Variants in PCDH9 observed in about 807,000 individuals in gnomAD.
The protein encoded by PCDH9 is protocadherin 9.
PCDH9 carries 24 observed loss-of-function variants against 70.6 expected under a neutral mutation model. That is an observed-to-expected ratio of 0.34 (90% CI 0.25 to 0.48). The LOEUF (loss-of-function observed/expected upper bound fraction) is 0.48. Among genes scored for constraint, PCDH9 ranks in the 20% least tolerant of loss-of-function variants. PCDH9 has a pLI of 0.99. For synonymous variants in PCDH9, 562 were observed against 558.5 expected (o/e 1.01, Z -0.09); for missense variants, 1,281 against 1,503.6 (o/e 0.85, Z 2.45).
intron 4 of PCDH9, among the ~76,000 whole-genome samples, chr13:66,556,773 G>A (rs2138693862): frequency 6.6e-6 from 1 of 152,200 alleles, no homozygotes; most frequent in East Asian, 1.9e-4. Context: ...GGCTATAGCT[G>A]TTTGGTAGAA....
chr13:66,785,392 A>G (rs992657062), intron 3 of PCDH9, among the ~76,000 whole-genome samples: 1 of 151,826 alleles, frequency 6.6e-6, no homozygotes, highest in Non-Finnish European at 1.5e-5. Flanking sequence ...ATTTTACAGT[A>G]CTCTTCATCG....
intron 3 of PCDH9, among the ~76,000 whole-genome samples, chr13:66,725,030 C>T (rs1037161993): frequency 2.0e-5 from 3 of 152,134 alleles, no homozygotes; most frequent in Admixed American, 6.6e-5. Context: ...TGGCTGACTT[C>T]CTCCACAAAA....
chr13:66,890,649 G>A (rs776892402), intron 3 of PCDH9, among the ~76,000 whole-genome samples: 7 of 151,888 alleles, frequency 4.6e-5, no homozygotes, highest in Admixed American at 2.6e-4. Context: ...TTAGTGGGAA[G>A]GCAAGAGCCG....
At position 66,626,951 on chromosome 13, in the gene PCDH9, C is replaced by CTGTGTGTGTGTGTGTG. The variant is rs10559380; in HGVS notation, c.3340+4243_3340+4258dup. Among the ~76,000 whole-genome samples, 441 of 147,484 alleles carry CTGTGTGTGTGTGTGTG rather than the reference C, an allele frequency of 3.0e-3. 1 individual carries two copies. Among genetic ancestry groups the CTGTGTGTGTGTGTGTG allele is most frequent in the Non-Finnish European group, 4.8e-3 (319 of 66,682 alleles). ...GCCAGTATTATTAGATCAAATGCCA[C>CTGTGTGTGTGTGTGTG]TGTGTGTGTGTGTGTGTGTGTGTGT... On this transcript the variant is annotated intron_variant, in intron 4 of 4. Transcript: ENST00000377865.
chr13:67,140,738 T>G (rs1406413921), intron 2 of PCDH9, among the ~76,000 whole-genome samples: 1 of 152,196 alleles, frequency 6.6e-6, no homozygotes, highest in Non-Finnish European at 1.5e-5. Context: ...ATGCTTCTCT[T>G]TTTTTAGGAT....
chr13:66,849,378 G>A (rs2081270328), intron 3 of PCDH9, among the ~76,000 whole-genome samples: 1 of 151,386 alleles, frequency 6.6e-6, no homozygotes, highest in East Asian at 1.9e-4. Context: ...TGTCCTATGG[G>A]ATCCCATGTG....
intron 3 of PCDH9, among the ~76,000 whole-genome samples, chr13:66,840,409 T>C (rs2081096678): frequency 6.6e-6 from 1 of 152,368 alleles, no homozygotes; most frequent in South Asian, 2.1e-4. Flanking sequence ...TTCATGGGCA[T>C]TGATATGTTT....
rs143391825 is a variant in PCDH9, at chr13:66,423,155, G to A, written c.3341-118127C>T. Among the ~76,000 whole-genome samples the A allele has an allele frequency of 8.1e-3, 1,237 of 152,116 alleles. 14 individuals carry two copies. The highest frequency in any genetic ancestry group is 0.028 in the African/African-American group (1,143 of 41,488). ...GACCAATAACAAGTTCTGAAATTGAGGCAGGAATTAACAGCCTACCAACCA... is the reference window on the plus strand; with the variant it reads ...GACCAATAACAAGTTCTGAAATTGAAGCAGGAATTAACAGCCTACCAACCA... On this transcript the variant is annotated intron_variant, in intron 4 of 4. Transcript: ENST00000377865.
chr13:67,082,446 T>C lies in PCDH9; in HGVS notation c.3036+142959A>G, dbSNP rs1023124420. On this transcript the variant is annotated intron_variant, in intron 2 of 4. Coordinates refer to ENST00000377865, the MANE Select transcript of PCDH9 (RefSeq NM_203487.3). ...CCTTTCTTTTCAAGGCTGAATAATATGCCATTGTATGTAAGTGGCACATTT... is the reference window on the plus strand; with the variant it reads ...CCTTTCTTTTCAAGGCTGAATAATACGCCATTGTATGTAAGTGGCACATTT... 4.6e-5 allele frequency among the ~76,000 whole-genome samples: 7 copies of C among 152,334 alleles called. No homozygotes were observed. The South Asian group carries it at 6.2e-4, about 14-fold the overall frequency.
chr13:66,980,730 G>GTTTTTTTTGTTTTTTT (rs2083730608), intron 2 of PCDH9, among the ~76,000 whole-genome samples: 1 of 70,872 alleles, frequency 1.4e-5, no homozygotes, highest in Non-Finnish European at 2.7e-5. Flanking sequence ...TTTTTTCTTT[G>GTTTTTTTTGTTTTTTT]TTTTTTTTTT....
intron 2 of PCDH9, among the ~76,000 whole-genome samples, chr13:67,004,567 AG>A (rs151007273): frequency 0.13 from 18,673 of 141,620 alleles, 1,224 homozygotes; most frequent in Middle Eastern, 0.18. Flanking sequence ...AAAAAAAAAA[AG>A]AAAGAAAGAA....
intron 3 of PCDH9, among the ~76,000 whole-genome samples, chr13:66,669,755 A>G (rs1356279435): frequency 1.3e-5 from 2 of 152,224 alleles, no homozygotes; most frequent in African/African-American, 2.4e-5. Flanking sequence ...CATCAGGCTT[A>G]TTGTGTAAAC....
intron 4 of PCDH9, among the ~76,000 whole-genome samples, chr13:66,399,647 A>C (rs1471929706): frequency 4.6e-5 from 7 of 152,102 alleles, no homozygotes; most frequent in African/African-American, 1.4e-4. Context: ...TCAAACAGTC[A>C]AAACAGAATT....
intron 3 of PCDH9, among the ~76,000 whole-genome samples, chr13:66,663,824 C>A (rs1169781794): frequency 6.6e-6 from 1 of 152,152 alleles, no homozygotes; most frequent in Non-Finnish European, 1.5e-5. Context: ...GAATCCTTTG[C>A]AGATAGAGCC....
chr13:66,606,731 C>T (rs762671759), intron 4 of PCDH9, among the ~76,000 whole-genome samples: 1 of 152,040 alleles, frequency 6.6e-6, no homozygotes, highest in Non-Finnish European at 1.5e-5. Context: ...CTAAAACTGG[C>T]AATCCCAACT....
chr13:67,062,037 C>T (rs376410641), intron 2 of PCDH9, among the ~76,000 whole-genome samples: 23 of 152,122 alleles, frequency 1.5e-4, no homozygotes, highest in African/African-American at 4.6e-4. Flanking sequence ...GAGTAAAGTA[C>T]TCTAGCAGTT....
intron 3 of PCDH9, among the ~76,000 whole-genome samples, chr13:66,875,370 T>C (rs575611080): frequency 1.0e-3 from 154 of 152,310 alleles, no homozygotes; most frequent in Non-Finnish European, 1.9e-3. Flanking sequence ...ATTTGGAATA[T>C]TCAAGCATAT....
intron 4 of PCDH9, among the ~76,000 whole-genome samples, chr13:66,312,258 G>T (rs566428944): frequency 1.3e-5 from 2 of 152,202 alleles, no homozygotes; most frequent in African/African-American, 4.8e-5. Flanking sequence ...ATTGTGGTTT[G>T]TCATCGATAC....
At chr13:66,981,967 C>T (rs944538449) in intron 2 of PCDH9, among the ~76,000 whole-genome samples, 4 of 152,138 alleles carry the variant, frequency 2.6e-5, no homozygotes, top group Non-Finnish European at 4.4e-5. Context: ...CCGCCCAAAT[C>T]TCATGTTGAA....
Sources: gnomAD v4.1 joint callset for allele counts (sites outside exome capture counted in the v4.1 genomes callset) on GRCh38, gnomAD v4.1.1 for gene constraint, MANE v1.5 for transcripts, NCBI Gene and HGNC (gene_info 2026-07-23, HGNC 2026-07-21) for gene names.